AFG1L: variants seen among roughly 807,000 people sequenced by gnomAD.
AFG1L encodes AFG1-like ATPase.
Under a neutral mutation model 62.2 loss-of-function variants are expected in AFG1L, and 53 were observed. That is an observed-to-expected ratio of 0.85 (90% CI 0.68 to 1.07). The LOEUF is 1.07. Among genes scored for constraint, AFG1L ranks in the 50% least tolerant of loss-of-function variants. AFG1L has a pLI of 0.00. For synonymous variants in AFG1L, 228 were observed against 210.3 expected (o/e 1.08, Z -0.73); for missense variants, 555 against 590.5 (o/e 0.94, Z 0.62).
chr6:108,305,410 G>GA (rs1431691610), intron 1 of AFG1L, among the ~76,000 whole-genome samples: 2 of 152,112 alleles, frequency 1.3e-5, no homozygotes, highest in African/African-American at 4.8e-5. Flanking sequence ...TTTTGAGACA[G>GA]AGTCTTGCTC....
At chr6:108,399,195 T>G (rs1289785630) in intron 6 of AFG1L, among the ~76,000 whole-genome samples, 4 of 130,554 alleles carry the variant, frequency 3.1e-5, no homozygotes, top group South Asian at 5.4e-4. Flanking sequence ...TTTTTTTTTT[T>G]TTTTTTTTTT....
At chr6:108,449,667 T>G (rs1007548551) in intron 8 of AFG1L, among the ~76,000 whole-genome samples, 3 of 152,144 alleles carry the variant, frequency 2.0e-5, no homozygotes, top group African/African-American at 4.8e-5. Context: ...TTGTTACATA[T>G]ATATACATGT....
intron 10 of AFG1L, among the ~76,000 whole-genome samples, chr6:108,499,284 G>A (rs1774094967): frequency 6.6e-6 from 1 of 151,444 alleles, no homozygotes; most frequent in South Asian, 2.1e-4. Flanking sequence ...ACCCAGGCTG[G>A]TCTCAAACTC....
intron 7 of AFG1L, among the ~76,000 whole-genome samples, chr6:108,423,135 C>G (rs1322649533): frequency 6.6e-6 from 1 of 152,012 alleles, no homozygotes; most frequent in Non-Finnish European, 1.5e-5. Flanking sequence ...AAATTATTTA[C>G]AGTTAATACT....
chr6:108,347,340 A>C (rs1396739811), intron 3 of AFG1L, among the ~76,000 whole-genome samples: 1 of 152,236 alleles, frequency 6.6e-6, no homozygotes, highest in African/African-American at 2.4e-5. Context: ...GTTATTAGAC[A>C]AATCAGGATT....
In AFG1L at chr6:108,329,229, C is replaced by T. The variant is rs147952766; in HGVS notation, c.363+5181C>T. Among the ~76,000 whole-genome samples, 1,388 of 149,636 alleles carry T rather than the reference C, an allele frequency of 9.3e-3. 17 individuals are homozygous for T. The highest frequency in any genetic ancestry group is 0.031 in the African/African-American group (1,259 of 40,688). On this transcript the variant is annotated intron_variant, in intron 2 of 12. Transcript: ENST00000368977. The stretch of plus-strand genomic sequence containing the variant: ...TGCTGGGATTACAGGCATGAGCCAC[C>T]GCTCTTGGCCCTTATAGTTTCCTAA...
chr6:108,295,189 C>G lies in AFG1L; in HGVS notation c.110C>G (p.Ala37Gly). The change falls in exon 1 of 13, where the codon GCC becomes GGC. Residue 37 changes from alanine to glycine, a missense_variant. By Grantham distance (60) the Ala-to-Gly change is moderately conservative. Coordinates refer to ENST00000368977, the MANE Select transcript of AFG1L (RefSeq NM_145315.5). ...TGGGCCGCCGCTCTCGCTCCTCTGG[C>G]CACCGCCCCTGGGAAGCCCTTTTGG... The part of the protein sequence containing the change: ...GAWAAALAPL[A>G]TAPGKPFWKA... 2 of 1,606,766 alleles carry G rather than the reference C, an allele frequency of 1.2e-6. No homozygotes were observed. Among genetic ancestry groups the G allele is most frequent in the Non-Finnish European group, 1.7e-6 (2 of 1,179,904 alleles).
At chr6:108,435,600 C>T (rs1771272342) in intron 7 of AFG1L, among the ~76,000 whole-genome samples, 1 of 152,070 alleles carries the variant, frequency 6.6e-6, no homozygotes. Flanking sequence ...GTGGAAGAAT[C>T]GCTTGAGGCC....
At chr6:108,486,308 T>C (rs1478565355) in intron 10 of AFG1L, among the ~76,000 whole-genome samples, 1 of 152,180 alleles carries the variant, frequency 6.6e-6, no homozygotes, top group Non-Finnish European at 1.5e-5. Flanking sequence ...TTTCCTATCA[T>C]AGAGTATGAT....
In AFG1L at chr6:108,416,080, AGTC is replaced by A. The variant is rs1385101202; in HGVS notation, c.807+14027_807+14029del. On this transcript the variant is annotated intron_variant, in intron 7 of 12. Transcript: ENST00000368977. ...GAACTCAAACAAATTTACAAGAAAA[AGTC>A]AAACAACCCCATCAAAAAGTGGGTG... is the stretch of plus-strand genomic sequence containing the variant. Among the ~76,000 whole-genome samples, 4 of 152,338 alleles carry A rather than the reference AGTC, an allele frequency of 2.6e-5. 1 individual carries two copies. In the East Asian group the frequency reaches 7.7e-4, roughly 29 times the overall value.
At chr6:108,379,253 G>A (rs571978545) in intron 6 of AFG1L, among the ~76,000 whole-genome samples, 13 of 152,000 alleles carry the variant, frequency 8.6e-5, no homozygotes, top group Admixed American at 1.3e-4. Context: ...CAAGTGATCC[G>A]TCCACCTTAG....
At position 108,490,439 on chromosome 6, in the gene AFG1L, AAATCTT is replaced by A. The variant is rs535933620; in HGVS notation, c.1062+13151_1062+13156del. Among the ~76,000 whole-genome samples the A allele has an allele frequency of 7.2e-4, 109 of 152,380 alleles. 1 individual carries two copies. The Middle Eastern group carries it at 0.031, about 43-fold the overall frequency. On this transcript the variant is annotated intron_variant, in intron 10 of 12. Transcript: ENST00000368977. ...TAGGGTTTGGATGTTACTTTGTAGA[AAATCTT>A]AATATAGTAAGCCACTGTCATAAGT...
chr6:108,339,964 G>A (rs1215572621), intron 2 of AFG1L, among the ~76,000 whole-genome samples: 1 of 151,936 alleles, frequency 6.6e-6, no homozygotes, highest in Non-Finnish European at 1.5e-5. Flanking sequence ...TAGTCATTCT[G>A]TTGTGCTATC....
At chr6:108,417,924 C>G (rs567170775) in intron 7 of AFG1L, among the ~76,000 whole-genome samples, 1 of 152,238 alleles carries the variant, frequency 6.6e-6, no homozygotes, top group African/African-American at 2.4e-5. Flanking sequence ...AGCTCCACCT[C>G]CCGGGTTCAC....
intron 10 of AFG1L, among the ~76,000 whole-genome samples, chr6:108,500,760 C>T (rs1033015037): frequency 6.6e-6 from 1 of 152,176 alleles, no homozygotes; most frequent in Non-Finnish European, 1.5e-5. Flanking sequence ...AACTAATTTG[C>T]ATTCCCACCA....
At chr6:108,386,805 C>T (rs1026746336) in intron 6 of AFG1L, among the ~76,000 whole-genome samples, 1 of 152,058 alleles carries the variant, frequency 6.6e-6, no homozygotes, top group African/African-American at 2.4e-5. Flanking sequence ...TGCAGTGTTT[C>T]TACATTTTTT....
At chr6:108,464,664 G>T (rs888496988) in intron 8 of AFG1L, among the ~76,000 whole-genome samples, 4 of 152,140 alleles carry the variant, frequency 2.6e-5, no homozygotes, top group African/African-American at 9.7e-5. Context: ...GGTGACAGAA[G>T]CAATGAAATG....
chr6:108,514,786 T>C (rs988438143), intron 11 of AFG1L, among the ~76,000 whole-genome samples: 51 of 151,796 alleles, frequency 3.4e-4, no homozygotes, highest in Non-Finnish European at 2.9e-5. Flanking sequence ...GGACTCAAAA[T>C]AAAAGGATGG....
At position 108,502,244 on chromosome 6, in the gene AFG1L, T is replaced by G. The variant is rs1316228204; in HGVS notation, c.1063-7968T>G. Among the ~76,000 whole-genome samples, 3 of 151,628 alleles carry G rather than the reference T, an allele frequency of 2.0e-5. No homozygotes were observed. The East Asian group carries it at 5.8e-4, about 29-fold the overall frequency. On this transcript the variant is annotated intron_variant, in intron 10 of 12. Transcript: ENST00000368977. Reference sequence around the variant, plus strand: ...TTTTGAGTTGGAGTTTTGCTCTTGTTGCCGAGGCTGGAGTGCAATGGCGTG... The same window carrying G: ...TTTTGAGTTGGAGTTTTGCTCTTGTGGCCGAGGCTGGAGTGCAATGGCGTG...
Sources: allele counts gnomAD v4.1 joint callset (sites outside exome capture counted in the v4.1 genomes callset), GRCh38; gene constraint gnomAD v4.1.1; transcripts MANE v1.5; gene names NCBI Gene and HGNC (gene_info 2026-07-23, HGNC 2026-07-21).